DROSHA: variants seen among roughly 807,000 people sequenced by gnomAD.
DROSHA encodes the protein ribonuclease 3.
In DROSHA, 56 loss-of-function variants were observed where a neutral mutation model predicts 181.9. The observed-to-expected ratio is 0.31, with a 90% confidence interval of 0.25 to 0.38. The LOEUF (loss-of-function observed/expected upper bound fraction) is 0.38. Ranked by LOEUF, DROSHA falls within the 10% of genes least tolerant of loss-of-function variation. DROSHA has a pLI of 1.00. For missense variants in DROSHA, 1,218 were observed against 1,743.5 expected (o/e 0.70, Z 5.37); for synonymous variants, 524 against 591.2 (o/e 0.89, Z 1.65).
At chr5:31,516,980 C>G (rs1739338554) in intron 6 of DROSHA, among the ~76,000 whole-genome samples, 1 of 152,164 alleles carries the variant, frequency 6.6e-6, no homozygotes, top group African/African-American at 2.4e-5. Flanking sequence ...TCTAGTTAGG[C>G]AGTACTCGTT....
In DROSHA at chr5:31,493,937, T is replaced by TGTGTGTGTGTG. The variant is rs1554041127; in HGVS notation, c.1756-645_1756-644insCACACACACAC. On this transcript the variant is annotated intron_variant, in intron 12 of 35. Coordinates refer to ENST00000344624, the MANE Select transcript of DROSHA (RefSeq NM_001382508.1). ...CTTATGCCATTCTTATAACCCACCA[T>TGTGTGTGTGTG]TGTGTGTGTGTGTGTGTGTGTGTGT... Among the ~76,000 whole-genome samples, 604 of 144,810 alleles carry TGTGTGTGTGTG rather than the reference T, an allele frequency of 4.2e-3. 12 individuals are homozygous for TGTGTGTGTGTG. The highest frequency in any genetic ancestry group is 0.014 in the East Asian group (68 of 4,760).
intron 35 of DROSHA, among the ~76,000 whole-genome samples, chr5:31,405,388 AAG>A (rs1316363504): frequency 5.2e-4 from 79 of 151,878 alleles, no homozygotes; most frequent in African/African-American, 1.7e-3. Flanking sequence ...AAAAAAAAAA[AAG>A]AAAGAAAACA....
At chr5:31,498,986 A>C (rs1300065726) in intron 11 of DROSHA, among the ~76,000 whole-genome samples, 1 of 152,182 alleles carries the variant, frequency 6.6e-6, no homozygotes, top group Non-Finnish European at 1.5e-5. Context: ...ACCCACGTTC[A>C]AGGAGGGACT....
rs958538238 is a variant in DROSHA, at chr5:31,402,170, C to T, written c.3995-608G>A. On this transcript the variant is annotated intron_variant, in intron 35 of 35. Coordinates refer to ENST00000344624, the MANE Select transcript of DROSHA (RefSeq NM_001382508.1). ...AAGTAGAAAACTTATTGGGTTAAAG[C>T]GGACACATAACCTCATGTTTCAAAC... 4.6e-5 allele frequency among the ~76,000 whole-genome samples: 7 copies of T among 152,126 alleles called. 1 individual carries two copies. The highest frequency in any genetic ancestry group is 1.0e-4 in the Non-Finnish European group (7 of 68,028).
At chr5:31,433,261 T>C (rs575551770) in intron 25 of DROSHA, among the ~76,000 whole-genome samples, 5 of 152,234 alleles carry the variant, frequency 3.3e-5, no homozygotes, top group Admixed American at 6.5e-5. Context: ...TATACTCAAA[T>C]GAGTTTTGAC....
At chr5:31,416,579 A>G (rs1428380483) in intron 30 of DROSHA, among the ~76,000 whole-genome samples, 1 of 152,242 alleles carries the variant, frequency 6.6e-6, no homozygotes, top group African/African-American at 2.4e-5. Context: ...TCCCGCATCC[A>G]GAAGTCACAC....
At chr5:31,479,557 T>C (rs72550753) in intron 16 of DROSHA, among the ~76,000 whole-genome samples, 412 of 152,218 alleles carry the variant, frequency 2.7e-3, no homozygotes, top group African/African-American at 9.7e-3. Flanking sequence ...ATTTCATAAA[T>C]ATGATACAAA....
At chr5:31,494,725 G>A (rs576089670) in intron 12 of DROSHA, among the ~76,000 whole-genome samples, 28 of 151,776 alleles carry the variant, frequency 1.8e-4, no homozygotes, top group African/African-American at 6.0e-4. Flanking sequence ...TCACACTGTC[G>A]CCCAGGCTGG....
At chr5:31,453,659 T>C (rs1747299184) in intron 20 of DROSHA, among the ~76,000 whole-genome samples, 1 of 152,178 alleles carries the variant, frequency 6.6e-6, no homozygotes, top group South Asian at 2.1e-4. Context: ...CCTTTAACCT[T>C]TTCTCATGTA....
At chr5:31,505,899 A>G (rs1737877165) in intron 10 of DROSHA, 1 of 152,236 alleles carries the variant, frequency 6.6e-6, no homozygotes, top group African/African-American at 2.4e-5. Context: ...ACTTTTTGAA[A>G]AAAAAAGTAT....
At chr5:31,512,526 T>C (rs1165200197) in intron 8 of DROSHA, among the ~76,000 whole-genome samples, 1 of 152,196 alleles carries the variant, frequency 6.6e-6, no homozygotes, top group East Asian at 1.9e-4. Context: ...TCCTGATCTC[T>C]GGGAAGGTAG....
chr5:31,436,413 G>A (rs1015266781), intron 24 of DROSHA, among the ~76,000 whole-genome samples: 3 of 132,764 alleles, frequency 2.3e-5, no homozygotes, highest in African/African-American at 8.7e-5. Context: ...TTTTTTTTGA[G>A]ACAGAGTCTC....
chr5:31,509,053 C>T (rs1387712677), intron 9 of DROSHA, among the ~76,000 whole-genome samples: 1 of 152,064 alleles, frequency 6.6e-6, no homozygotes, highest in African/African-American at 2.4e-5. Context: ...GAACTCCTGA[C>T]CTCAGGTGAA....
intron 20 of DROSHA, among the ~76,000 whole-genome samples, chr5:31,463,597 A>C (rs1236931764): frequency 6.6e-6 from 1 of 152,232 alleles, no homozygotes; most frequent in Non-Finnish European, 1.5e-5. Flanking sequence ...TGACAAAAGA[A>C]TCAAGTGAAA....
chr5:31,493,230 A>G lies in DROSHA; in HGVS notation c.1819T>C (p.Phe607Leu), dbSNP rs1257253691. The G allele has an allele frequency of 6.2e-7, 1 of 1,607,300 alleles. No homozygotes were observed. The highest frequency in any genetic ancestry group is 1.7e-5 in the Admixed American group (1 of 59,122). ...HEYIFEGFSM[F>L]AHAPLTNIPL... ...ACATTGGTCAGGGGGGCATGTGCAA[A>G]CATAGAAAATCCTTCAAAGATATAC... Residue 607 changes from phenylalanine (F) to leucine (L), a missense_variant, in exon 13 of 36, where the codon TTT becomes CTT. Transcript: ENST00000344624.
Position 31,515,256 on chromosome 5 carries a change from T to A in DROSHA, c.1059-37A>T, listed in dbSNP as rs747858312. 6.4e-6 allele frequency: 10 copies of A among 1,573,978 alleles called. No homozygotes were observed. The Admixed American group carries it at 7.9e-5, about 13-fold the overall frequency. ...GGCAAAGGAGGTTAATTATTAAAAA[T>A]ACTCTTCCACTGTAAAAACTATTCT... On this transcript the variant is annotated intron_variant, in intron 7 of 35. Coordinates refer to ENST00000344624, the MANE Select transcript of DROSHA (RefSeq NM_001382508.1).
At chr5:31,466,321 G>C in intron 18 of DROSHA, 40 bp from the exon 19 acceptor site, 1 of 1,578,644 alleles carries the variant, frequency 6.3e-7, no homozygotes, top group Non-Finnish European at 8.7e-7. Flanking sequence ...GTAAAGAGGA[G>C]GTAAACCTAA....
chr5:31,478,953 T>C (rs1750711785), intron 16 of DROSHA, among the ~76,000 whole-genome samples: 1 of 152,126 alleles, frequency 6.6e-6, no homozygotes, highest in South Asian at 2.1e-4. Flanking sequence ...TGCAACAGGA[T>C]AGACACAGAC....
At chr5:31,478,627 G>T (rs1214550556) in intron 16 of DROSHA, among the ~76,000 whole-genome samples, 3 of 152,132 alleles carry the variant, frequency 2.0e-5, no homozygotes, top group Non-Finnish European at 2.9e-5. Context: ...TCAGCAACTT[G>T]GGAGGCTGAG....
Sources: gnomAD v4.1 joint callset for allele counts (sites outside exome capture counted in the v4.1 genomes callset) on GRCh38, gnomAD v4.1.1 for gene constraint, MANE v1.5 for transcripts, NCBI Gene and HGNC (gene_info 2026-07-23, HGNC 2026-07-21) for gene names.